The following SLC25A21 variants were observed in gnomAD, a reference collection of about 807,000 sequenced individuals.
SLC25A21 encodes the protein mitochondrial 2-oxodicarboxylate carrier.
A neutral mutation model predicts 43.8 loss-of-function variants in SLC25A21; 47 were observed. That is an observed-to-expected ratio of 1.07 (90% CI 0.85 to 1.37). SLC25A21 has a LOEUF of 1.37. SLC25A21 is among the 40% of genes most tolerant of loss of function. SLC25A21 has a pLI of 0.00. For missense variants in SLC25A21, 352 were observed against 350.2 expected (o/e 1.00, Z -0.04); for synonymous variants, 131 against 121.3 (o/e 1.08, Z -0.52).
intron 3 of SLC25A21, among the ~76,000 whole-genome samples, chr14:36,744,454 A>G (rs1006884513): frequency 1.3e-5 from 2 of 152,178 alleles, no homozygotes; most frequent in Non-Finnish European, 2.9e-5. Flanking sequence ...ACTCTATTCA[A>G]TAAATAGTTC....
At chr14:36,845,829 G>C (rs893626018) in intron 2 of SLC25A21, among the ~76,000 whole-genome samples, 1 of 152,210 alleles carries the variant, frequency 6.6e-6, no homozygotes. Context: ...GTGGGATCTT[G>C]TGATCGCACA....
intron 1 of SLC25A21, among the ~76,000 whole-genome samples, chr14:37,037,440 C>T (rs549954482): frequency 1.3e-5 from 2 of 152,278 alleles, no homozygotes; most frequent in East Asian, 3.9e-4. Flanking sequence ...GAATCCTCTA[C>T]ACGAGAAAAG....
intron 1 of SLC25A21, among the ~76,000 whole-genome samples, chr14:37,046,904 C>T (rs987264533): frequency 6.6e-6 from 1 of 152,116 alleles, no homozygotes; most frequent in Non-Finnish European, 1.5e-5. Flanking sequence ...GTTCCTTCTC[C>T]CCAAAGATCC....
chr14:36,794,932 T>C (rs555091426), intron 3 of SLC25A21, among the ~76,000 whole-genome samples: 1 of 152,280 alleles, frequency 6.6e-6, no homozygotes, highest in South Asian at 2.1e-4. Flanking sequence ...CTGACAGGAT[T>C]AATTTATGGA....
intron 1 of SLC25A21, among the ~76,000 whole-genome samples, chr14:37,112,886 C>T (rs1391629427): frequency 1.3e-5 from 2 of 152,016 alleles, no homozygotes; most frequent in East Asian, 1.9e-4. Flanking sequence ...TTTAGGGTGT[C>T]TTTGATACAG....
intron 1 of SLC25A21, among the ~76,000 whole-genome samples, chr14:37,149,864 A>C (rs1364889699): frequency 6.6e-6 from 1 of 152,166 alleles, no homozygotes; most frequent in East Asian, 1.9e-4. Context: ...TTATTTAAAA[A>C]TTTTTTAAAG....
At chr14:36,785,619 A>T (rs1053472972) in intron 3 of SLC25A21, among the ~76,000 whole-genome samples, 4 of 152,212 alleles carry the variant, frequency 2.6e-5, no homozygotes, top group African/African-American at 9.6e-5. Flanking sequence ...AGTGGGTTAT[A>T]CAGATCAGTG....
At chr14:37,096,116 T>C (rs1962688550) in intron 1 of SLC25A21, among the ~76,000 whole-genome samples, 1 of 152,154 alleles carries the variant, frequency 6.6e-6, no homozygotes, top group Admixed American at 6.5e-5. Flanking sequence ...AATTGAAATA[T>C]ACCAACTAAA....
intron 1 of SLC25A21, among the ~76,000 whole-genome samples, chr14:37,119,076 T>A (rs745814885): frequency 3.0e-4 from 45 of 152,098 alleles, no homozygotes; most frequent in Non-Finnish European, 5.7e-4. Context: ...ATACACTAAT[T>A]ATAATGCATT....
At chr14:36,958,589 G>A (rs1959401038) in intron 1 of SLC25A21, among the ~76,000 whole-genome samples, 1 of 151,970 alleles carries the variant, frequency 6.6e-6, no homozygotes, top group African/African-American at 2.4e-5. Flanking sequence ...AGGTGTTGAG[G>A]CCTTACCCAG....
intron 3 of SLC25A21, among the ~76,000 whole-genome samples, chr14:36,786,809 T>C (rs575091110): frequency 6.6e-6 from 1 of 152,264 alleles, no homozygotes; most frequent in African/African-American, 2.4e-5. Flanking sequence ...CTGAAAGAGT[T>C]TGGCGTATGG....
At chr14:36,951,235 C>CAA (rs34543759) in intron 1 of SLC25A21, among the ~76,000 whole-genome samples, 16 of 131,672 alleles carry the variant, frequency 1.2e-4, no homozygotes, top group East Asian at 7.7e-4. Context: ...ACTGCCATTA[C>CAA]AAAAAAAAAA....
At chr14:36,973,981 G>C (rs1959812907) in intron 1 of SLC25A21, among the ~76,000 whole-genome samples, 1 of 152,142 alleles carries the variant, frequency 6.6e-6, no homozygotes. Context: ...CTATGACTCT[G>C]GGACAGCTCT....
intron 1 of SLC25A21, among the ~76,000 whole-genome samples, chr14:37,048,669 T>C (rs1400209944): frequency 6.6e-6 from 1 of 152,120 alleles, no homozygotes; most frequent in Non-Finnish European, 1.5e-5. Context: ...TACTCTGGTG[T>C]TAAAGAGAAA....
Position 37,057,445 on chromosome 14 carries a change from C to G in SLC25A21, c.70+114836G>C, listed in dbSNP as rs1961854981. Among the ~76,000 whole-genome samples, 4 of 152,166 alleles carry G rather than the reference C, an allele frequency of 2.6e-5. 1 individual carries two copies. Among genetic ancestry groups the G allele is most frequent in the Admixed American group, 2.6e-4 (4 of 15,276 alleles). Reference sequence around the variant, plus strand: ...AATTGTTATAATTGGAGGATTTTCACAATTTCTTTTGAGTTTTCTAGCTCC... The same window carrying G: ...AATTGTTATAATTGGAGGATTTTCAGAATTTCTTTTGAGTTTTCTAGCTCC... On this transcript the variant is annotated intron_variant, in intron 1 of 9. Coordinates refer to ENST00000331299, the MANE Select transcript of SLC25A21 (RefSeq NM_030631.4).
chr14:36,767,715 C>T (rs1194018498), intron 3 of SLC25A21, among the ~76,000 whole-genome samples: 1 of 152,208 alleles, frequency 6.6e-6, no homozygotes, highest in Non-Finnish European at 1.5e-5. Context: ...ACATATGCCA[C>T]ATTTTATGAG....
intron 1 of SLC25A21, among the ~76,000 whole-genome samples, chr14:36,956,322 G>C (rs1959340784): frequency 6.6e-6 from 1 of 152,154 alleles, no homozygotes; most frequent in African/African-American, 2.4e-5. Flanking sequence ...TGTGAAGCTG[G>C]TTAAAAATGC....
chr14:36,992,633 T>C (rs2138714647), intron 1 of SLC25A21, among the ~76,000 whole-genome samples: 1 of 152,304 alleles, frequency 6.6e-6, no homozygotes, highest in Admixed American at 6.5e-5. Flanking sequence ...AGAAGAGGAC[T>C]GCAATTCTAG....
chr14:36,984,488 T>C (rs1960101443), intron 1 of SLC25A21, among the ~76,000 whole-genome samples: 2 of 152,262 alleles, frequency 1.3e-5, no homozygotes, highest in Middle Eastern at 3.4e-3. Context: ...TTTTCAAACC[T>C]GTTTTGAAAG....
Sources: gnomAD v4.1 joint callset for allele counts (sites outside exome capture counted in the v4.1 genomes callset) on GRCh38, gnomAD v4.1.1 for gene constraint, MANE v1.5 for transcripts, NCBI Gene and HGNC (gene_info 2026-07-23, HGNC 2026-07-21) for gene names.